The following GOLPH3 variants were observed in gnomAD, a reference collection of about 807,000 sequenced individuals.
GOLPH3 encodes coat protein GPP34.
Under a neutral mutation model 28.5 loss-of-function variants are expected in GOLPH3, and 14 were observed. The observed-to-expected ratio is 0.49, with a 90% CI of 0.32 to 0.77. The LOEUF (loss-of-function observed/expected upper bound fraction) is 0.77, where lower values mean the gene tolerates loss of function less well. Ranked by LOEUF, GOLPH3 falls within the 30% of genes least tolerant of loss-of-function variation. The pLI, the probability that GOLPH3 is intolerant of heterozygous loss-of-function variation, is 0.03. For synonymous variants in GOLPH3, 158 were observed against 159.2 expected, an observed-to-expected ratio of 0.99 and a Z score of 0.06; for missense variants, 350 against 393.7, an observed-to-expected ratio of 0.89 and a Z score of 0.94.
Position 32,125,456 on chromosome 5 carries a change from A to C in GOLPH3, c.*756T>G, listed in dbSNP as rs1036218017. ...CCATCAAATAACCATGATTGAAGCA[A>C]GCGAGGGGCACCAGGTGTACAACTG... On this transcript the variant is annotated 3_prime_UTR_variant, in exon 4 of 4. Transcript: ENST00000265070. 1 of 152,696 alleles carries C rather than the reference A, an allele frequency of 6.5e-6. No individual in the cohort carries two copies. Among genetic ancestry groups the C allele is most frequent in the African/African-American group, 2.4e-5 (1 of 41,456 alleles). The allele number at this position is 152,696 out of a possible 1,614,324, so 9.5% of individuals were successfully genotyped here. A position where few individuals can be genotyped will look rare whatever the true frequency, so the allele number is the denominator to read the frequency against.
intron 1 of GOLPH3, among the ~76,000 whole-genome samples, chr5:32,169,350 T>A (rs1746782531): frequency 1.3e-5 from 2 of 151,170 alleles, no homozygotes; most frequent in South Asian, 2.1e-4. Context: ...TGGGGAGGAG[T>A]TAATAAACAT....
intron 1 of GOLPH3, among the ~76,000 whole-genome samples, chr5:32,171,345 C>T (rs1285295873): frequency 6.6e-6 from 1 of 152,094 alleles, no homozygotes; most frequent in South Asian, 2.1e-4. Context: ...TTATGTTGGG[C>T]CGCATTTAAA....
At chr5:32,145,346 G>T (rs984697842) in intron 1 of GOLPH3, among the ~76,000 whole-genome samples, 3 of 152,166 alleles carry the variant, frequency 2.0e-5, no homozygotes, top group Admixed American at 6.5e-5. Context: ...ACTTAGGGTC[G>T]GGGCCTGATC....
intron 1 of GOLPH3, among the ~76,000 whole-genome samples, chr5:32,149,723 A>G (rs1746263177): frequency 6.6e-6 from 1 of 152,240 alleles, no homozygotes; most frequent in Admixed American, 6.5e-5. Flanking sequence ...AAGGCTGGGC[A>G]CTGTGGCTCA....
rs1000401975 is a variant in GOLPH3, at chr5:32,125,866, T to C, written c.*346A>G. 1 of 216,406 alleles carries C rather than the reference T, an allele frequency of 4.6e-6. No individual in the cohort carries two copies. Among genetic ancestry groups the C allele is most frequent in the East Asian group, 1.1e-4 (1 of 9,240 alleles). 13.4% of individuals were successfully genotyped at this position (216,406 alleles called of 1,614,324 possible). ...AGAATGCTAGATGTACATGCACATA[T>C]GGAGAAACTCAAGCTGAGGTCATCC... On this transcript the variant is annotated 3_prime_UTR_variant, in exon 4 of 4. Coordinates refer to ENST00000265070, the MANE Select transcript of GOLPH3 (RefSeq NM_022130.4).
intron 2 of GOLPH3, among the ~76,000 whole-genome samples, chr5:32,138,300 C>A (rs990804853): frequency 6.6e-6 from 1 of 152,126 alleles, no homozygotes; most frequent in African/African-American, 2.4e-5. Flanking sequence ...AAAATATATA[C>A]ATACAGTATC....
intron 2 of GOLPH3, among the ~76,000 whole-genome samples, chr5:32,140,743 G>C (rs1232608684): frequency 6.6e-6 from 1 of 150,416 alleles, no homozygotes; most frequent in African/African-American, 2.5e-5. Context: ...AGAGGTTGCA[G>C]TGAACCAAGA....
At chr5:32,156,618 CG>C (rs940224669) in intron 1 of GOLPH3, among the ~76,000 whole-genome samples, 1 of 151,690 alleles carries the variant, frequency 6.6e-6, no homozygotes, top group Non-Finnish European at 1.5e-5. Context: ...ACTGGAGCGG[CG>C]GGGGGGATGG....
intron 2 of GOLPH3, among the ~76,000 whole-genome samples, chr5:32,137,209 T>C (rs2111845724): frequency 6.6e-6 from 1 of 151,692 alleles, no homozygotes; most frequent in East Asian, 2.0e-4. Flanking sequence ...TCCACCCACC[T>C]CGGCCTCCCA....
intron 1 of GOLPH3, among the ~76,000 whole-genome samples, chr5:32,169,922 A>G (rs2111900736): frequency 6.6e-6 from 1 of 151,860 alleles, no homozygotes. Context: ...AAAAACAAAT[A>G]TCATTGGTTA....
At position 32,152,814 on chromosome 5, in the gene GOLPH3, A is replaced by C. The variant is rs573584193; in HGVS notation, c.226-8934T>G. Among the ~76,000 whole-genome samples, 6 of 151,988 alleles carry C rather than the reference A, an allele frequency of 3.9e-5. No individual in the cohort carries two copies. In the South Asian group the frequency reaches 6.3e-4, roughly 16 times the overall value. On this transcript the variant is annotated intron_variant, in intron 1 of 3. Transcript: ENST00000265070. Reference sequence around the variant, plus strand: ...AAACAAAAACAAAAACAAAAAAAAAACCCAAAAGCTTGACAGCATAGTTGG... The same window carrying C: ...AAACAAAAACAAAAACAAAAAAAAACCCCAAAAGCTTGACAGCATAGTTGG...
chr5:32,128,861 G>A (rs1426793299), intron 3 of GOLPH3, among the ~76,000 whole-genome samples: 1 of 151,502 alleles, frequency 6.6e-6, no homozygotes, highest in Non-Finnish European at 1.5e-5. Flanking sequence ...CTAAAACTAG[G>A]GGTAAGGGGG....
Position 32,126,494 on chromosome 5 carries a change from G to T in GOLPH3, c.615C>A (p.Thr205=), listed in dbSNP as rs780373431. 30 of 1,614,084 alleles carry T rather than the reference G, an allele frequency of 1.9e-5. No homozygotes were observed. The highest frequency in any genetic ancestry group is 2.5e-5 in the Non-Finnish European group (29 of 1,180,018). Residue 205 remains threonine (T), a synonymous_variant, in exon 4 of 4, where the codon ACC becomes ACA. Transcript: ENST00000265070. ...LLFDMTTHPL[T]NNNIKQRLIK... Reference sequence around the variant, plus strand: ...TGAGGCGCTGCTTAATGTTGTTATTGGTGAGGGGATGTGTTGTCATGTCAA... The same window carrying T: ...TGAGGCGCTGCTTAATGTTGTTATTTGTGAGGGGATGTGTTGTCATGTCAA...
chr5:32,149,534 T>G (rs1746258004), intron 1 of GOLPH3, among the ~76,000 whole-genome samples: 1 of 152,180 alleles, frequency 6.6e-6, no homozygotes, highest in Admixed American at 6.6e-5. Flanking sequence ...AAAAAAACAT[T>G]CTATAAAGTC....
intron 1 of GOLPH3, among the ~76,000 whole-genome samples, chr5:32,155,058 C>G (rs945446783): frequency 2.8e-5 from 4 of 142,432 alleles, no homozygotes; most frequent in Non-Finnish European, 6.0e-5. Flanking sequence ...AAGATCGCAC[C>G]ACTGCAATCC....
intron 1 of GOLPH3, among the ~76,000 whole-genome samples, chr5:32,155,528 G>T (rs1746399969): frequency 6.6e-6 from 1 of 151,946 alleles, no homozygotes; most frequent in Admixed American, 6.6e-5. Context: ...CAATAAAGCT[G>T]TTACCAAAAA....
At chr5:32,164,647 CAA>C (rs1226990766) in intron 1 of GOLPH3, among the ~76,000 whole-genome samples, 1 of 152,018 alleles carries the variant, frequency 6.6e-6, no homozygotes, top group Non-Finnish European at 1.5e-5. Context: ...CCACCCGCCT[CAA>C]CTCCCAAAGT....
chr5:32,173,686 G>A, intron 1 of GOLPH3, 124 bp downstream of exon 1: 1 of 611,212 alleles, frequency 1.6e-6, no homozygotes. Context: ...ACCAGGCGCG[G>A]ACTTCGGAGC....
intron 2 of GOLPH3, among the ~76,000 whole-genome samples, chr5:32,142,789 C>A (rs173446): frequency 2.0e-5 from 3 of 147,826 alleles, no homozygotes; most frequent in Admixed American, 6.6e-5. Context: ...GTGAGGAGCC[C>A]CTCTGTCCGG....
Sources: gnomAD v4.1 joint callset for allele counts (sites outside exome capture counted in the v4.1 genomes callset) on GRCh38, gnomAD v4.1.1 for gene constraint, MANE v1.5 for transcripts, NCBI Gene and HGNC (gene_info 2026-07-23, HGNC 2026-07-21) for gene names.